Variants in DNM3 observed in about 807,000 individuals in gnomAD.
DNM3 encodes the protein dynamin-3.
Under a neutral mutation model 101.6 loss-of-function variants are expected in DNM3, and 47 were observed. The ratio of observed to expected loss-of-function variants is 0.46; its 90% CI spans 0.37 to 0.59. The LOEUF (loss-of-function observed/expected upper bound fraction) is 0.59. Among genes scored for constraint, DNM3 ranks in the 20% least tolerant of loss-of-function variants. The pLI, the probability that DNM3 is intolerant of heterozygous loss-of-function variation, is 0.00. For missense variants in DNM3, 849 were observed against 1,085.7 expected (o/e 0.78, Z 3.06); for synonymous variants, 385 against 387.9 (o/e 0.99, Z 0.09).
intron 5 of DNM3, 129 bp downstream of exon 5, chr1:172,032,629 G>A: frequency 2.0e-6 from 1 of 506,340 alleles, no homozygotes; most frequent in South Asian, 4.4e-5. Context: ...GTAAGGAATG[G>A]ATTTATTATT....
intron 14 of DNM3, among the ~76,000 whole-genome samples, chr1:172,193,272 T>C (rs1572898282): frequency 6.6e-6 from 1 of 152,198 alleles, no homozygotes; most frequent in East Asian, 1.9e-4. Context: ...CAGTATTTCA[T>C]TGATGATTTT....
chr1:172,346,633 C>G (rs2066954573), intron 17 of DNM3, among the ~76,000 whole-genome samples: 1 of 152,018 alleles, frequency 6.6e-6, no homozygotes, highest in African/African-American at 2.4e-5. Flanking sequence ...AATCAGACAC[C>G]CTCATGGACA....
chr1:171,884,638 C>T (rs1034184931), intron 1 of DNM3, among the ~76,000 whole-genome samples: 5 of 152,192 alleles, frequency 3.3e-5, no homozygotes, highest in Non-Finnish European at 7.3e-5. Context: ...ATGGGACTCA[C>T]TCATATGGTT....
chr1:172,101,802 T>C lies in DNM3; in HGVS notation c.1545+8927T>C, dbSNP rs190285506. On this transcript the variant is annotated intron_variant, in intron 13 of 20. Coordinates refer to ENST00000627582, the MANE Select transcript of DNM3 (RefSeq NM_015569.5). ...TAGTTTGTAAATTTCATCAAGCATC[T>C]CATTTTGTAGTCTCAATTATTTATA... Among the ~76,000 whole-genome samples, 82 of 152,308 alleles carry C rather than the reference T, an allele frequency of 5.4e-4. No individual in the cohort carries two copies. The East Asian group carries it at 0.016, about 29-fold the overall frequency.
intron 4 of DNM3, among the ~76,000 whole-genome samples, chr1:172,005,598 C>T (rs1036557095): frequency 1.3e-5 from 2 of 152,036 alleles, no homozygotes; most frequent in Non-Finnish European, 2.9e-5. Context: ...CAGAGCCACC[C>T]TTTCAAAAAG....
At chr1:171,895,632 CTTTAG>C (rs1250021024) in intron 1 of DNM3, among the ~76,000 whole-genome samples, 1 of 152,102 alleles carries the variant, frequency 6.6e-6, no homozygotes, top group Non-Finnish European at 1.5e-5. Flanking sequence ...TGCAGAAGCT[CTTTAG>C]TTTAATTAGA....
intron 15 of DNM3, among the ~76,000 whole-genome samples, chr1:172,266,090 A>G (rs906547887): frequency 6.6e-6 from 1 of 152,130 alleles, no homozygotes; most frequent in Non-Finnish European, 1.5e-5. Context: ...CAATATAGTT[A>G]GTGTGTGCTC....
At chr1:172,158,841 C>T (rs1017814697) in intron 14 of DNM3, among the ~76,000 whole-genome samples, 2 of 152,016 alleles carry the variant, frequency 1.3e-5, no homozygotes, top group Non-Finnish European at 1.5e-5. Flanking sequence ...TAATACTCTA[C>T]TATGTGAGCT....
In DNM3 at chr1:172,186,295, G is replaced by C. The variant is rs566824764; in HGVS notation, c.1659+55007G>C. On this transcript the variant is annotated intron_variant, in intron 14 of 20. Transcript: ENST00000627582. ...GGTTACAAATTCCAAGAAATGTGGA[G>C]ATATAACCCAGAAAGGCAACATGAC... Among the ~76,000 whole-genome samples the C allele has an allele frequency of 2.0e-5, 3 of 152,030 alleles. No individual in the cohort carries two copies. In the South Asian group the frequency reaches 6.2e-4, roughly 32 times the overall value.
chr1:172,185,328 G>A (rs1165975150), intron 14 of DNM3, among the ~76,000 whole-genome samples: 3 of 152,256 alleles, frequency 2.0e-5, no homozygotes, highest in South Asian at 2.1e-4. Context: ...TCTCACTGGG[G>A]AGTAGAATTG....
chr1:172,249,179 A>G (rs1386176730), intron 14 of DNM3, among the ~76,000 whole-genome samples: 2 of 152,054 alleles, frequency 1.3e-5, no homozygotes, highest in African/African-American at 4.8e-5. Flanking sequence ...TCTAGTGCCT[A>G]AGTTATATTG....
chr1:172,143,406 G>A (rs1432515004), intron 14 of DNM3, among the ~76,000 whole-genome samples: 1 of 152,010 alleles, frequency 6.6e-6, no homozygotes, highest in Admixed American at 6.6e-5. Context: ...TTTCTTTAAG[G>A]GGCCGACCTC....
chr1:172,312,495 A>G (rs2065124093), intron 16 of DNM3, among the ~76,000 whole-genome samples: 1 of 152,210 alleles, frequency 6.6e-6, no homozygotes, highest in Admixed American at 6.5e-5. Context: ...ACATATGCTC[A>G]CTTTTTAAAA....
At chr1:172,127,512 G>A (rs2056705130) in intron 13 of DNM3, among the ~76,000 whole-genome samples, 1 of 151,436 alleles carries the variant, frequency 6.6e-6, no homozygotes, top group Non-Finnish European at 1.5e-5. Flanking sequence ...GTGTTCGAGT[G>A]ATTCTCCTAC....
In DNM3 at chr1:172,079,450, C is replaced by G. The variant is rs757068438; in HGVS notation, c.1423-2382C>G. Among the ~76,000 whole-genome samples, 132 of 151,994 alleles carry G rather than the reference C, an allele frequency of 8.7e-4. 1 individual carries two copies. The highest frequency in any genetic ancestry group is 2.6e-4 in the Non-Finnish European group (18 of 68,024). On this transcript the variant is annotated intron_variant, in intron 11 of 20. Coordinates refer to ENST00000627582, the MANE Select transcript of DNM3 (RefSeq NM_015569.5). Reference sequence around the variant, plus strand: ...GTGTATGCTTCACAAAGTTCTTGTGCTGTGTTTCTCAGCTCCATCAGGTCA... The same window carrying G: ...GTGTATGCTTCACAAAGTTCTTGTGGTGTGTTTCTCAGCTCCATCAGGTCA...
At chr1:171,856,034 G>T (rs2033575737) in intron 1 of DNM3, among the ~76,000 whole-genome samples, 1 of 152,092 alleles carries the variant, frequency 6.6e-6, no homozygotes, top group Admixed American at 6.5e-5. Flanking sequence ...ATCTTGAGTT[G>T]ATTTTTATAT....
intron 17 of DNM3, among the ~76,000 whole-genome samples, chr1:172,335,173 T>C (rs1448090345): frequency 6.6e-6 from 1 of 152,170 alleles, no homozygotes; most frequent in Non-Finnish European, 1.5e-5. Context: ...CCAATCAAGA[T>C]TTTTTTAAAG....
chr1:172,259,246 A>C (rs2062545467), intron 15 of DNM3, among the ~76,000 whole-genome samples: 1 of 152,036 alleles, frequency 6.6e-6, no homozygotes, highest in African/African-American at 2.4e-5. Context: ...AATGTTTTGT[A>C]AATGTCTGTT....
chr1:172,080,258 G>T (rs183163550), intron 11 of DNM3, among the ~76,000 whole-genome samples: 1 of 152,320 alleles, frequency 6.6e-6, no homozygotes, highest in African/African-American at 2.4e-5. Context: ...GTCCCAGGAA[G>T]ATGGGAGTTT....
Sources: allele counts gnomAD v4.1 joint callset (sites outside exome capture counted in the v4.1 genomes callset), GRCh38; gene constraint gnomAD v4.1.1; transcripts MANE v1.5; gene names NCBI Gene and HGNC (gene_info 2026-07-23, HGNC 2026-07-21).